BPIFB1: variants seen among roughly 807,000 people sequenced by gnomAD.
BPIFB1 encodes BPI fold containing family B member 1.
A neutral mutation model predicts 55.1 loss-of-function variants in BPIFB1; 34 were observed. The ratio of observed to expected loss-of-function variants is 0.62; its 90% CI spans 0.47 to 0.82. BPIFB1 has a LOEUF of 0.82. BPIFB1 is among the 40% of genes least tolerant of loss of function. The pLI, the probability that BPIFB1 is intolerant of heterozygous loss-of-function variation, is 0.00. For missense variants in BPIFB1, 532 were observed against 593.1 expected (o/e 0.90, Z 1.07); for synonymous variants, 236 against 245.3 (o/e 0.96, Z 0.35).
intron 10 of BPIFB1, 105 bp from the exon 11 acceptor site, chr20:33,302,811 G>A (rs1980895415): frequency 3.1e-6 from 4 of 1,305,730 alleles, no homozygotes; most frequent in Non-Finnish European, 4.3e-6. Flanking sequence ...GAACACGTGA[G>A]GGAGCAGGGA....
chr20:33,292,114 G>T, intron 6 of BPIFB1, 126 bp downstream of exon 6: 1 of 862,228 alleles, frequency 1.2e-6, no homozygotes, highest in South Asian at 1.5e-5. Flanking sequence ...GAATTATCTG[G>T]GGCTGGATAG....
At chr20:33,287,479 T>A (rs1452656081) in intron 2 of BPIFB1, among the ~76,000 whole-genome samples, 5 of 152,152 alleles carry the variant, frequency 3.3e-5, no homozygotes, top group Non-Finnish European at 7.3e-5. Flanking sequence ...AGGAATTGGC[T>A]AAGAGGGAAA....
intron 3 of BPIFB1, among the ~76,000 whole-genome samples, chr20:33,289,344 G>A (rs1358535007): frequency 6.8e-6 from 1 of 146,688 alleles, no homozygotes; most frequent in East Asian, 2.0e-4. Context: ...TGGTGCCATT[G>A]CACTCCAGCC....
intron 2 of BPIFB1, 63 bp from the exon 3 acceptor site, chr20:33,288,678 C>A (rs1209015775): frequency 1.3e-6 from 2 of 1,575,620 alleles, no homozygotes; most frequent in Non-Finnish European, 1.7e-6. Context: ...CAGCCTGGAG[C>A]TCCCACCAAG....
At chr20:33,293,601 G>A (rs1195928399) in intron 6 of BPIFB1, among the ~76,000 whole-genome samples, 1 of 152,174 alleles carries the variant, frequency 6.6e-6, no homozygotes, top group Non-Finnish European at 1.5e-5. Flanking sequence ...ACTTTGGCAG[G>A]TCGAGGCGGG....
intron 1 of BPIFB1, among the ~76,000 whole-genome samples, chr20:33,284,026 C>T (rs1980186083): frequency 6.6e-6 from 1 of 152,130 alleles, no homozygotes; most frequent in South Asian, 2.1e-4. Context: ...CTGGCTTTGG[C>T]TGCAAGGTGT....
Position 33,286,090 on chromosome 20 carries a change from C to T in BPIFB1, c.17C>T (p.Thr6Ile), listed in dbSNP as rs1189636452. MAGPW[T>I]FTLLCGLLAA... ...CCTGGGAAGATGGCCGGCCCGTGGA[C>T]CTTCACCCTTCTCTGTGGTTTGCTG... The change falls in exon 2 of 16, where the codon ACC (threonine) becomes ATC (isoleucine). Residue 6 changes from threonine (T) to isoleucine (I), a missense_variant. Transcript: ENST00000253354. 3.1e-6 allele frequency: 5 copies of T among 1,614,094 alleles called. No homozygotes were observed. In the African/African-American group the frequency reaches 5.3e-5, roughly 17 times the overall value.
intron 4 of BPIFB1, 58 bp downstream of exon 4, chr20:33,290,050 C>A: frequency 7.6e-7 from 1 of 1,320,328 alleles, no homozygotes; most frequent in Non-Finnish European, 1.1e-6. Context: ...CTCGTTCCCC[C>A]TCCCCCGCCC....
intron 13 of BPIFB1, 52 bp from the exon 14 acceptor site, chr20:33,305,950 G>T (rs556522928): frequency 1.3e-6 from 2 of 1,593,780 alleles, no homozygotes; most frequent in African/African-American, 2.7e-5. Flanking sequence ...AATGATGGGG[G>T]GGAACTTCAG....
At chr20:33,294,382 T>C (rs550122631) in intron 6 of BPIFB1, among the ~76,000 whole-genome samples, 6 of 152,326 alleles carry the variant, frequency 3.9e-5, no homozygotes, top group Middle Eastern at 3.4e-3. Flanking sequence ...ACAATGAATA[T>C]AATGAATTGT....
At chr20:33,306,210 C>A (rs894743384) in intron 14 of BPIFB1, 145 bp downstream of exon 14, 4 of 880,976 alleles carry the variant, frequency 4.5e-6, no homozygotes, top group Non-Finnish European at 7.4e-6. Context: ...CTCCCAAGAA[C>A]CTTCTCAGCC....
intron 6 of BPIFB1, 64 bp from the exon 7 acceptor site, chr20:33,297,459 CCG>C: frequency 6.4e-7 from 1 of 1,557,684 alleles, no homozygotes; most frequent in Non-Finnish European, 8.8e-7. Flanking sequence ...TGGGCACAGC[CCG>C]GGGCTGCTGT....
rs754109914 is a variant in BPIFB1, at chr20:33,301,262, G to C, written c.777G>C (p.Val259=). 7 of 1,614,194 alleles carry C rather than the reference G, an allele frequency of 4.3e-6. No homozygotes were observed. In the South Asian group the frequency reaches 7.7e-5, roughly 18 times the overall value. The change falls in exon 9 of 16, where the codon GTG becomes GTC. Residue 259 remains valine (V), a synonymous_variant. Transcript: ENST00000253354. ...GAKLLDSQGK[V]TKWFNNSAAS... is the part of the protein sequence containing the mutation. ...AGTTGTTGGACTCACAGGGAAAGGT[G>C]ACCAAGTGGTTCAATAACTCTGCAG...
intron 5 of BPIFB1, 31 bp from the exon 6 acceptor site, chr20:33,291,876 C>T (rs1193212689): frequency 6.3e-7 from 1 of 1,595,482 alleles, no homozygotes. Context: ...CTGACCCTTC[C>T]TAATGTCTCT....
intron 9 of BPIFB1, 29 bp downstream of exon 9, chr20:33,301,441 G>A (rs900769040): frequency 1.9e-6 from 3 of 1,590,314 alleles, no homozygotes; most frequent in African/African-American, 2.7e-5. Flanking sequence ...CAGAGAATAG[G>A]GCCGCCCAGG....
chr20:33,304,999 C>A, intron 13 of BPIFB1, 108 bp downstream of exon 13: 3 of 1,279,546 alleles, frequency 2.3e-6, no homozygotes, highest in Non-Finnish European at 3.4e-6. Context: ...CCCACAGAAG[C>A]ACCATGGGGG....
chr20:33,288,902 A>T lies in BPIFB1; in HGVS notation c.257+20A>T. 6.2e-7 allele frequency: 1 copy of T among 1,606,760 alleles called. No individual in the cohort carries two copies. On this transcript the variant is annotated intron_variant, in intron 3 of 15. Transcript: ENST00000253354. The stretch of plus-strand genomic sequence containing the variant: ...CATCTGGTGAGTGGAGCAGGACCAC[A>T]CCAGGAGCTAGCCCCTTCCCACACC...
intron 2 of BPIFB1, 28 bp downstream of exon 2, chr20:33,286,216 G>A (rs753968938): frequency 6.2e-7 from 1 of 1,601,984 alleles, no homozygotes; most frequent in Non-Finnish European, 8.6e-7. Flanking sequence ...GGAGCTGGCT[G>A]CCATAAGACA....
chr20:33,286,635 G>A (rs1980274218), intron 2 of BPIFB1, among the ~76,000 whole-genome samples: 1 of 152,244 alleles, frequency 6.6e-6, no homozygotes, highest in African/African-American at 2.4e-5. Context: ...GCCAGTCCCT[G>A]AGCCTCAGCT....
Sources: allele counts gnomAD v4.1 joint callset (sites outside exome capture counted in the v4.1 genomes callset), GRCh38; gene constraint gnomAD v4.1.1; transcripts MANE v1.5; gene names NCBI Gene and HGNC (gene_info 2026-07-23, HGNC 2026-07-21).